Variants in LAMA2 observed in about 807,000 individuals in gnomAD.
LAMA2 encodes the protein laminin subunit alpha-2.
In LAMA2, 269 loss-of-function variants were observed where a neutral mutation model predicts 364.8. The observed-to-expected ratio is 0.74, with a 90% CI of 0.67 to 0.82. LAMA2 has a LOEUF of 0.82. Ranked by LOEUF, LAMA2 falls within the 40% of genes least tolerant of loss-of-function variation. The pLI, the probability that LAMA2 is intolerant of heterozygous loss-of-function variation, is 0.00. For missense variants in LAMA2, 3,807 were observed against 3,873.2 expected, an observed-to-expected ratio of 0.98 and a Z score of 0.45; for synonymous variants, 1,379 against 1,370.6, an observed-to-expected ratio of 1.01 and a Z score of -0.14.
At chr6:129,247,974 G>C (rs763940839) in intron 12 of LAMA2, among the ~76,000 whole-genome samples, 11 of 151,770 alleles carry the variant, frequency 7.2e-5, no homozygotes, top group Admixed American at 2.0e-4. Context: ...TTTAGTTTAT[G>C]TCAGGGATCC....
intron 22 of LAMA2, among the ~76,000 whole-genome samples, chr6:129,309,039 T>A (rs1179414055): frequency 6.6e-6 from 1 of 152,208 alleles, no homozygotes; most frequent in African/African-American, 2.4e-5. Context: ...TCCAACTGTA[T>A]CAGAGACCTC....
chr6:129,375,549 C>G (rs781253389), intron 34 of LAMA2, among the ~76,000 whole-genome samples: 7 of 152,264 alleles, frequency 4.6e-5, no homozygotes, highest in South Asian at 2.1e-4. Flanking sequence ...ATCTCTGCAG[C>G]TTTGATCTTT....
chr6:129,365,881 G>A (rs13209300), intron 32 of LAMA2, among the ~76,000 whole-genome samples: 55,567 of 151,832 alleles, frequency 0.37, 12,393 homozygotes, highest in Non-Finnish European at 0.5. Flanking sequence ...GATTTAGGGG[G>A]TACTTTTAAT....
intron 1 of LAMA2, among the ~76,000 whole-genome samples, chr6:129,030,048 T>A (rs80330949): frequency 0.034 from 5,167 of 152,102 alleles, 267 homozygotes; most frequent in African/African-American, 0.11. Context: ...CTTTGTCTTC[T>A]AACCTGGGGT....
intron 45 of LAMA2, among the ~76,000 whole-genome samples, chr6:129,450,315 T>TTTGTA (rs1325214550): frequency 1.3e-5 from 2 of 151,166 alleles, no homozygotes; most frequent in Admixed American, 1.3e-4. Context: ...TTTGTTTTGT[T>TTTGTA]TTGTTTTGTT....
intron 19 of LAMA2, among the ~76,000 whole-genome samples, chr6:129,290,962 A>G (rs1789654670): frequency 6.6e-6 from 1 of 152,216 alleles, no homozygotes; most frequent in South Asian, 2.1e-4. Context: ...AAACTTCTGA[A>G]TCTTAAAAAA....
intron 40 of LAMA2, among the ~76,000 whole-genome samples, chr6:129,405,617 T>C (rs902169527): frequency 6.6e-6 from 1 of 152,174 alleles, no homozygotes; most frequent in African/African-American, 2.4e-5. Flanking sequence ...ATCAGTGATT[T>C]ATTAAATGAC....
At chr6:129,097,263 A>G (rs1010500426) in intron 3 of LAMA2, among the ~76,000 whole-genome samples, 5 of 152,256 alleles carry the variant, frequency 3.3e-5, no homozygotes, top group African/African-American at 1.2e-4. Context: ...AAACTAATTC[A>G]TATCTGTCTT....
intron 12 of LAMA2, among the ~76,000 whole-genome samples, chr6:129,243,715 G>T (rs533153850): frequency 6.6e-6 from 1 of 151,722 alleles, no homozygotes; most frequent in South Asian, 2.1e-4. Context: ...TGATTGTAGT[G>T]GTCACATTGA....
chr6:129,218,306 C>A (rs755924290), intron 12 of LAMA2, among the ~76,000 whole-genome samples: 1 of 152,026 alleles, frequency 6.6e-6, no homozygotes, highest in African/African-American at 2.4e-5. Context: ...TTGTAGTGAC[C>A]CTCCCTGTAC....
At position 129,503,181 on chromosome 6, in the gene LAMA2, T is replaced by A. The variant is rs1167580081; in HGVS notation, c.8448T>A (p.Val2816=). ...TCAATCATGCTGATTTTGCAACAGTTCAGCTGAGAAATGGATTGCCCTACT... is the reference window on the plus strand; with the variant it reads ...TCAATCATGCTGATTTTGCAACAGTACAGCTGAGAAATGGATTGCCCTACT... ...ARINHADFAT[V]QLRNGLPYFS... Residue 2816 remains valine, a synonymous_variant, in exon 60 of 65, where the codon GTT becomes GTA. Coordinates refer to ENST00000421865, the MANE Select transcript of LAMA2 (RefSeq NM_000426.4). The A allele has an allele frequency of 1.9e-6, 3 of 1,614,174 alleles. No individual in the cohort carries two copies. The highest frequency in any genetic ancestry group is 2.5e-6 in the Non-Finnish European group (3 of 1,179,986).
At chr6:129,475,165 A>T (rs1401058357) in intron 52 of LAMA2, among the ~76,000 whole-genome samples, 1 of 151,920 alleles carries the variant, frequency 6.6e-6, no homozygotes, top group Non-Finnish European at 1.5e-5. Flanking sequence ...TTCCAAGCTG[A>T]TATTGTGAGC....
At chr6:129,386,536 T>A (rs1326591623) in intron 35 of LAMA2, among the ~76,000 whole-genome samples, 1 of 152,008 alleles carries the variant, frequency 6.6e-6, no homozygotes, top group South Asian at 2.1e-4. Flanking sequence ...TAACTTTCAG[T>A]AGAAAAATAA....
At chr6:129,492,112 T>C in intron 57 of LAMA2, 35 bp downstream of exon 57, 1 of 1,584,854 alleles carries the variant, frequency 6.3e-7, no homozygotes, top group Non-Finnish European at 8.7e-7. Flanking sequence ...TACTAATTTT[T>C]TATTTTTATT....
intron 22 of LAMA2, among the ~76,000 whole-genome samples, chr6:129,307,682 A>G (rs1314272823): frequency 6.6e-6 from 1 of 152,218 alleles, no homozygotes; most frequent in African/African-American, 2.4e-5. Context: ...TTGGTTGTGT[A>G]CTTTAACAGC....
intron 1 of LAMA2, among the ~76,000 whole-genome samples, chr6:129,010,832 G>A (rs562616636): frequency 2.0e-5 from 3 of 152,318 alleles, no homozygotes; most frequent in Non-Finnish European, 4.4e-5. Context: ...GAATGGTATA[G>A]AGCTAAAGCA....
At chr6:129,515,778 T>C (rs1312021729) in intron 64 of LAMA2, among the ~76,000 whole-genome samples, 1 of 152,332 alleles carries the variant, frequency 6.6e-6, no homozygotes, top group East Asian at 1.9e-4. Context: ...TCATATGTTA[T>C]AACTATTAAA....
At chr6:129,308,521 A>G (rs940823864) in intron 22 of LAMA2, among the ~76,000 whole-genome samples, 62 of 152,186 alleles carry the variant, frequency 4.1e-4, no homozygotes, top group African/African-American at 1.5e-3. Flanking sequence ...ATTTTTACTG[A>G]TCATTAGATA....
intron 1 of LAMA2, chr6:128,929,840 G>T: frequency 9.8e-7 from 1 of 1,025,210 alleles, no homozygotes; most frequent in Non-Finnish European, 1.5e-6. Context: ...TCCCTTGTAA[G>T]TGAAAAACTT....
Sources: allele counts gnomAD v4.1 joint callset (sites outside exome capture counted in the v4.1 genomes callset), GRCh38; gene constraint gnomAD v4.1.1; transcripts MANE v1.5; gene names NCBI Gene and HGNC (gene_info 2026-07-23, HGNC 2026-07-21).